Variants in LRBA observed in about 807,000 individuals in gnomAD.
The protein encoded by LRBA is lipopolysaccharide-responsive and beige-like anchor protein.
Under a neutral mutation model 330.0 loss-of-function variants are expected in LRBA, and 176 were observed. The observed-to-expected ratio is 0.53, with a 90% confidence interval of 0.47 to 0.60. The LOEUF (loss-of-function observed/expected upper bound fraction) is 0.60, where lower values mean the gene tolerates loss of function less well. Among genes scored for constraint, LRBA ranks in the 20% least tolerant of loss-of-function variants. LRBA has a pLI of 0.00. For missense variants in LRBA, 3,259 were observed against 3,444.8 expected, an observed-to-expected ratio of 0.95 and a Z score of 1.35; for synonymous variants, 1,230 against 1,193.0, an observed-to-expected ratio of 1.03 and a Z score of -0.64.
chr4:150,412,668 C>T (rs10021938), intron 47 of LRBA, among the ~76,000 whole-genome samples: 8,773 of 152,020 alleles, frequency 0.058, 395 homozygotes, highest in East Asian at 0.17. Context: ...TACTAACAAA[C>T]TTCTTTATAT....
intron 2 of LRBA, among the ~76,000 whole-genome samples, chr4:150,951,377 A>C (rs1057150033): frequency 2.6e-5 from 4 of 151,894 alleles, no homozygotes; most frequent in Admixed American, 6.6e-5. Context: ...CTTTTTACAA[A>C]AAAAAAAAAA....
intron 50 of LRBA, among the ~76,000 whole-genome samples, chr4:150,318,379 G>A (rs945212622): frequency 2.0e-5 from 3 of 152,006 alleles, no homozygotes; most frequent in East Asian, 1.9e-4. Context: ...AGAACTGAGG[G>A]GAACCAGCTG....
intron 44 of LRBA, among the ~76,000 whole-genome samples, chr4:150,467,077 G>A (rs757923169): frequency 1.5e-4 from 23 of 152,002 alleles, no homozygotes; most frequent in Admixed American, 3.3e-4. Context: ...TACAAACAGT[G>A]TCAAAAATGT....
At chr4:150,805,853 T>C (rs76973384) in intron 33 of LRBA, among the ~76,000 whole-genome samples, 2,512 of 152,212 alleles carry the variant, frequency 0.017, 32 homozygotes, top group Non-Finnish European at 0.026. Flanking sequence ...GTAAGCAGTA[T>C]AGAGTAAAAT....
chr4:150,649,247 A>T (rs569296792), intron 37 of LRBA, among the ~76,000 whole-genome samples: 86 of 152,274 alleles, frequency 5.6e-4, no homozygotes, highest in African/African-American at 1.8e-3. Context: ...TGGCTCAGTA[A>T]TTTTAAAATG....
At position 150,921,133 on chromosome 4, in the gene LRBA, G is replaced by A. The variant is rs372538467; in HGVS notation, c.645+65C>T. Reference sequence around the variant, plus strand: ...AGAACCTGTCAGGGGTGTTCACAGGGCTGTACTTTCAGGGAGCAAAGGAAA... The same window carrying A: ...AGAACCTGTCAGGGGTGTTCACAGGACTGTACTTTCAGGGAGCAAAGGAAA... On this transcript the variant is annotated intron_variant, in intron 5 of 56. Coordinates refer to ENST00000651943, the MANE Select transcript of LRBA (RefSeq NM_001364905.1). 4 of 1,036,064 alleles carry A rather than the reference G, an allele frequency of 3.9e-6. No individual in the cohort carries two copies. The African/African-American group carries it at 4.7e-5, about 12-fold the overall frequency. 64.2% of individuals were successfully genotyped at this position (1,036,064 alleles called of 1,614,324 possible). A position where few individuals can be genotyped will look rare whatever the true frequency, so the allele number is the denominator to read the frequency against.
intron 40 of LRBA, among the ~76,000 whole-genome samples, chr4:150,537,441 A>G (rs1764781993): frequency 6.6e-6 from 1 of 152,206 alleles, no homozygotes; most frequent in Non-Finnish European, 1.5e-5. Context: ...CCAAGTCCTC[A>G]AAAGCAATTG....
intron 22 of LRBA, among the ~76,000 whole-genome samples, chr4:150,865,069 G>T (rs1285634505): frequency 6.6e-6 from 1 of 152,290 alleles, no homozygotes; most frequent in East Asian, 1.9e-4. Context: ...TGAAAAATCT[G>T]CTTTATACTG....
rs1771600049 is a variant in LRBA at position 150,583,021 on chromosome 4, T to C, written c.6330+5027A>G. The C allele has an allele frequency of 3.2e-6, 5 of 1,580,634 alleles. No homozygotes were observed. In the African/African-American group the frequency reaches 4.0e-5, roughly 13 times the overall value. On this transcript the variant is annotated intron_variant, in intron 40 of 56. Coordinates refer to ENST00000651943, the MANE Select transcript of LRBA (RefSeq NM_001364905.1). The surrounding 1 kb of genome is among the most constrained non-coding windows in gnomAD (Gnocchi z 9.8). ...GACGCCGGTGTATAGCCCGGACCTG[T>C]GCCCCAACATGATCGCCGCTCAGGC... is the stretch of plus-strand genomic sequence containing the variant.
chr4:150,867,250 T>C (rs1052814784), intron 22 of LRBA, among the ~76,000 whole-genome samples: 2 of 152,136 alleles, frequency 1.3e-5, no homozygotes, highest in African/African-American at 4.8e-5. Flanking sequence ...TGTTCATCTT[T>C]GAATATAGTG....
chr4:150,490,130 A>G (rs1758726740), intron 41 of LRBA, among the ~76,000 whole-genome samples: 1 of 151,736 alleles, frequency 6.6e-6, no homozygotes, highest in Non-Finnish European at 1.5e-5. Flanking sequence ...ATCAAACAGG[A>G]AGGGAAAAAT....
chr4:150,776,959 C>T (rs974050498), intron 34 of LRBA, among the ~76,000 whole-genome samples: 2 of 151,910 alleles, frequency 1.3e-5, no homozygotes, highest in Non-Finnish European at 2.9e-5. Flanking sequence ...AAAAATAGAA[C>T]ATGCATTCAA....
At chr4:150,613,056 A>G (rs1561423857) in intron 37 of LRBA, among the ~76,000 whole-genome samples, 2 of 152,242 alleles carry the variant, frequency 1.3e-5, no homozygotes, top group Non-Finnish European at 2.9e-5. Flanking sequence ...CCGGTCCAAT[A>G]GAAAATGAGA....
chr4:150,391,860 A>G (rs971623082), intron 47 of LRBA, among the ~76,000 whole-genome samples: 28 of 113,622 alleles, frequency 2.5e-4, no homozygotes, highest in African/African-American at 7.9e-4. Context: ...ATTTCAGCTC[A>G]CACCCTTCTA....
intron 40 of LRBA, among the ~76,000 whole-genome samples, chr4:150,563,048 C>A (rs1228433622): frequency 6.6e-6 from 1 of 152,156 alleles, no homozygotes; most frequent in African/African-American, 2.4e-5. Context: ...TATACCAACT[C>A]AGCCTCTAAA....
intron 40 of LRBA, among the ~76,000 whole-genome samples, chr4:150,577,986 G>A (rs115370855): frequency 0.03 from 4,492 of 152,242 alleles, 100 homozygotes; most frequent in Middle Eastern, 0.051. Context: ...ATTCCCTGCA[G>A]CCGTTCAAGC....
intron 2 of LRBA, among the ~76,000 whole-genome samples, chr4:150,934,401 T>C (rs975280725): frequency 6.6e-6 from 1 of 152,098 alleles, no homozygotes; most frequent in Non-Finnish European, 1.5e-5. Flanking sequence ...AATCACAAAA[T>C]ACAAACCTCT....
At chr4:151,014,389 GAA>G (rs747901986) in intron 2 of LRBA, 36 bp downstream of exon 2, 16 of 1,535,134 alleles carry the variant, frequency 1.0e-5, no homozygotes, top group South Asian at 1.0e-4. Context: ...CCAACCCACT[GAA>G]AAGAGTATAT....
chr4:150,493,233 C>T (rs977668623), intron 40 of LRBA, among the ~76,000 whole-genome samples: 4 of 152,170 alleles, frequency 2.6e-5, no homozygotes, highest in Non-Finnish European at 5.9e-5. Context: ...ATCCTCCTGC[C>T]TCAGCCTCCC....
Sources: gnomAD v4.1 joint callset for allele counts (sites outside exome capture counted in the v4.1 genomes callset) on GRCh38, gnomAD v4.1.1 for gene constraint, Gnocchi (gnomAD v3.1) non-coding constraint, MANE v1.5 for transcripts, NCBI Gene and HGNC (gene_info 2026-07-23, HGNC 2026-07-21) for gene names.